Variants in CRIM1 observed in about 807,000 individuals in gnomAD.
CRIM1 encodes the protein cysteine-rich motor neuron 1 protein.
Under a neutral mutation model 116.4 loss-of-function variants are expected in CRIM1, and 32 were observed. That is an observed-to-expected ratio of 0.27 (90% CI 0.21 to 0.37). The LOEUF is 0.37. CRIM1 is among the 10% of genes least tolerant of loss of function. The pLI is 1.00. For synonymous variants in CRIM1, 590 were observed against 509.2 expected (o/e 1.16, Z -2.13); for missense variants, 1,331 against 1,354.8 (o/e 0.98, Z 0.28).
chr2:36,469,371 C>T (rs1407737389), intron 5 of CRIM1, among the ~76,000 whole-genome samples: 1 of 152,200 alleles, frequency 6.6e-6, no homozygotes, highest in East Asian at 1.9e-4. Context: ...GTCCCTGTAG[C>T]ACTCTGCTTC....
chr2:36,413,240 A>G (rs1407705667), intron 2 of CRIM1, among the ~76,000 whole-genome samples: 3 of 152,212 alleles, frequency 2.0e-5, no homozygotes, highest in African/African-American at 7.2e-5. Context: ...CTGCATGCAT[A>G]AAGTGAGAGG....
chr2:36,434,257 A>G (rs1024322564), intron 2 of CRIM1, among the ~76,000 whole-genome samples: 1 of 152,240 alleles, frequency 6.6e-6, no homozygotes, highest in Non-Finnish European at 1.5e-5. Flanking sequence ...AGGCCAAGGA[A>G]CAAGTGAAAT....
At chr2:36,512,635 C>T (rs1215035152) in intron 10 of CRIM1, among the ~76,000 whole-genome samples, 1 of 152,170 alleles carries the variant, frequency 6.6e-6, no homozygotes, top group Non-Finnish European at 1.5e-5. Flanking sequence ...TTAATCACTT[C>T]CTAGCTCTTT....
At chr2:36,536,553 CCA>C (rs1293429712) in intron 13 of CRIM1, among the ~76,000 whole-genome samples, 1 of 152,118 alleles carries the variant, frequency 6.6e-6, no homozygotes, top group East Asian at 1.9e-4. Context: ...TCACTCTGAA[CCA>C]CATTCTTGTG....
chr2:36,492,102 A>G (rs1680266234), intron 7 of CRIM1, among the ~76,000 whole-genome samples: 1 of 152,204 alleles, frequency 6.6e-6, no homozygotes, highest in South Asian at 2.1e-4. Flanking sequence ...GAAGAAAAAT[A>G]TTAATATGTC....
In CRIM1 at chr2:36,363,300, G is replaced by T. The variant is rs538525976; in HGVS notation, c.331+6677G>T. 1.3e-4 allele frequency among the ~76,000 whole-genome samples: 20 copies of T among 152,160 alleles called. No individual in the cohort carries two copies. The South Asian group carries it at 4.2e-3, about 32-fold the overall frequency. On this transcript the variant is annotated intron_variant, in intron 1 of 16. Transcript: ENST00000280527. ...ATCTGTGTAGTCAGGTTAATGATAG[G>T]GTTGCTATAAGGACTCAGTGCATCC...
intron 2 of CRIM1, among the ~76,000 whole-genome samples, chr2:36,410,483 T>G (rs1330223883): frequency 6.6e-6 from 1 of 152,206 alleles, no homozygotes; most frequent in Non-Finnish European, 1.5e-5. Flanking sequence ...AATGAGCTAC[T>G]ATTGTATCTT....
At position 36,512,381 on chromosome 2, in the gene CRIM1, C is replaced by G; in HGVS notation, c.1767C>G (p.Ile589Met). The G allele has an allele frequency of 6.2e-7, 1 of 1,613,306 alleles. No individual in the cohort carries two copies. The highest frequency in any genetic ancestry group is 8.5e-7 in the Non-Finnish European group (1 of 1,179,336). The change falls in exon 10 of 17, where the codon ATC (isoleucine) becomes ATG (methionine). Residue 589 changes from isoleucine to methionine, a missense_variant. Around this residue, in one of 3 missense-constraint regions of CRIM1, gnomAD observed 358 missense variants for 436.1 expected, o/e 0.82. Coordinates refer to ENST00000280527, the MANE Select transcript of CRIM1 (RefSeq NM_016441.3). The part of the protein sequence containing the change: ...GFQQDSHGCL[I>M]CKCREASASA... Reference sequence around the variant, plus strand: ...AGCAGGACAGTCACGGCTGTCTTATCTGCAAGTGCAGAGGTAAGTGTGTAC... The same window carrying G: ...AGCAGGACAGTCACGGCTGTCTTATGTGCAAGTGCAGAGGTAAGTGTGTAC...
intron 2 of CRIM1, among the ~76,000 whole-genome samples, chr2:36,427,641 C>T (rs1674562447): frequency 6.6e-6 from 1 of 152,212 alleles, no homozygotes; most frequent in African/African-American, 2.4e-5. Flanking sequence ...GGCTGGACTT[C>T]ATCTTCTGAA....
intron 8 of CRIM1, among the ~76,000 whole-genome samples, chr2:36,506,592 A>C (rs999488097): frequency 1.3e-5 from 2 of 152,060 alleles, no homozygotes; most frequent in Non-Finnish European, 2.9e-5. Flanking sequence ...ACAGAGTTTT[A>C]CTACATAGTT....
chr2:36,531,934 G>C, intron 13 of CRIM1: 1 of 471,022 alleles, frequency 2.1e-6, no homozygotes, highest in Non-Finnish European at 4.4e-6. Flanking sequence ...GGAAGGACCA[G>C]CTGCATCCAG....
rs150949928 is a variant in CRIM1 at position 36,402,281 on chromosome 2, A to T, written c.505+5494A>T. Among the ~76,000 whole-genome samples, 1,080 of 152,332 alleles carry T rather than the reference A, an allele frequency of 7.1e-3. 7 individuals carry two copies. Among genetic ancestry groups the T allele is most frequent in the Non-Finnish European group, 0.013 (860 of 68,022 alleles). ...CCTCAGGGACATATTCTATGAAGGAAGGGCAGTCCAAACTGAAATCTCAAA... is the reference window on the plus strand; with the variant it reads ...CCTCAGGGACATATTCTATGAAGGATGGGCAGTCCAAACTGAAATCTCAAA... On this transcript the variant is annotated intron_variant, in intron 2 of 16. Transcript: ENST00000280527.
At chr2:36,543,295 TTCTC>T (rs1166336204) in intron 14 of CRIM1, among the ~76,000 whole-genome samples, 1 of 152,206 alleles carries the variant, frequency 6.6e-6, no homozygotes, top group Admixed American at 6.5e-5. Context: ...AAGTACTCTC[TTCTC>T]TATCACTTTC....
chr2:36,430,801 C>A lies in CRIM1; in HGVS notation c.506-10457C>A, dbSNP rs115980702. On this transcript the variant is annotated intron_variant, in intron 2 of 16. Transcript: ENST00000280527. ...CAGGGAGAGCCTTTATGGTATGGGT[C>A]TAAACACTGGGAGATCTTTGTTTGT... Among the ~76,000 whole-genome samples the A allele has an allele frequency of 7.8e-3, 1,184 of 152,284 alleles. 9 individuals carry two copies. The highest frequency in any genetic ancestry group is 0.013 in the Non-Finnish European group (916 of 68,010).
At chr2:36,419,469 T>A (rs1673888085) in intron 2 of CRIM1, among the ~76,000 whole-genome samples, 2 of 152,170 alleles carry the variant, frequency 1.3e-5, no homozygotes, top group African/African-American at 2.4e-5. Context: ...CTCATTGACA[T>A]CCCAGAATAG....
chr2:36,454,863 G>C (rs142160955), intron 4 of CRIM1, among the ~76,000 whole-genome samples: 1 of 152,090 alleles, frequency 6.6e-6, no homozygotes, highest in Non-Finnish European at 1.5e-5. Flanking sequence ...CCTGATTCAG[G>C]TTTGCCATCT....
intron 1 of CRIM1, among the ~76,000 whole-genome samples, chr2:36,360,501 C>A (rs1434344034): frequency 6.6e-6 from 1 of 152,154 alleles, no homozygotes; most frequent in Non-Finnish European, 1.5e-5. Flanking sequence ...TTAACTGTTC[C>A]TTTTACCCAT....
chr2:36,528,946 C>G (rs1321004885), intron 13 of CRIM1, among the ~76,000 whole-genome samples: 1 of 152,198 alleles, frequency 6.6e-6, no homozygotes, highest in African/African-American at 2.4e-5. Flanking sequence ...ACTTCAGTAT[C>G]CTTTCCAGGC....
chr2:36,461,064 A>C (rs1482255460), intron 4 of CRIM1, among the ~76,000 whole-genome samples: 1 of 152,238 alleles, frequency 6.6e-6, no homozygotes, highest in Non-Finnish European at 1.5e-5. Flanking sequence ...TGGACTTCAG[A>C]GTGTTGAATG....
Sources: gnomAD v4.1 joint callset for allele counts (sites outside exome capture counted in the v4.1 genomes callset) on GRCh38, gnomAD v4.1.1 for gene constraint, gnomAD v4.1.1 regional missense constraint, MANE v1.5 for transcripts, NCBI Gene and HGNC (gene_info 2026-07-23, HGNC 2026-07-21) for gene names.